Variants in SCMH1 observed in about 807,000 individuals in gnomAD.
The protein encoded by SCMH1 is polycomb protein SCMH1.
In SCMH1, 37 loss-of-function variants were observed where a neutral mutation model predicts 70.8. That is an observed-to-expected ratio of 0.52 (90% CI 0.40 to 0.69). The LOEUF is 0.69. Among genes scored for constraint, SCMH1 ranks in the 30% least tolerant of loss-of-function variants. The pLI, the probability that SCMH1 is intolerant of heterozygous loss-of-function variation, is 0.00. For missense variants in SCMH1, 607 were observed against 827.3 expected, an observed-to-expected ratio of 0.73 and a Z score of 3.27; for synonymous variants, 292 against 307.4, an observed-to-expected ratio of 0.95 and a Z score of 0.52.
chr1:41,167,406 T>G (rs921139978), intron 2 of SCMH1, among the ~76,000 whole-genome samples: 1 of 152,140 alleles, frequency 6.6e-6, no homozygotes, highest in Non-Finnish European at 1.5e-5. Context: ...AAGAATTCCC[T>G]CCTCTTCAAC....
chr1:41,214,957 T>A (rs968631356), intron 1 of SCMH1, among the ~76,000 whole-genome samples: 1 of 152,210 alleles, frequency 6.6e-6, no homozygotes. Context: ...CGTAGTTATG[T>A]TACCTAAAAC....
intron 6 of SCMH1, among the ~76,000 whole-genome samples, chr1:41,125,398 G>A (rs112075676): frequency 0.012 from 1,860 of 151,488 alleles, 46 homozygotes; most frequent in African/African-American, 0.043. Context: ...GTATTTTTTT[G>A]TAGGGACAGA....
At chr1:41,075,581 C>T (rs909023535) in intron 8 of SCMH1, 130 bp from the exon 9 acceptor site, 1 of 686,522 alleles carries the variant, frequency 1.5e-6, no homozygotes, top group Non-Finnish European at 2.4e-6. Flanking sequence ...TGGCATTTGA[C>T]CTAAATGTTA....
intron 10 of SCMH1, among the ~76,000 whole-genome samples, chr1:41,061,782 T>C (rs1224335303): frequency 6.6e-6 from 1 of 152,236 alleles, no homozygotes; most frequent in Non-Finnish European, 1.5e-5. Context: ...ACATACTCTT[T>C]TGAAGCTCAT....
chr1:41,086,645 T>G (rs1172477366), intron 8 of SCMH1, among the ~76,000 whole-genome samples: 4 of 151,856 alleles, frequency 2.6e-5, no homozygotes, highest in African/African-American at 9.7e-5. Context: ...TAGCTCACAC[T>G]GGTAGTCCCA....
chr1:41,223,266 C>G (rs11209718), intron 1 of SCMH1, among the ~76,000 whole-genome samples: 3 of 152,000 alleles, frequency 2.0e-5, no homozygotes, highest in Non-Finnish European at 4.4e-5. Context: ...TGAAAACTCA[C>G]AGTAATGCAA....
At chr1:41,055,306 T>C (rs747902926) in intron 10 of SCMH1, among the ~76,000 whole-genome samples, 5 of 152,116 alleles carry the variant, frequency 3.3e-5, no homozygotes, top group Middle Eastern at 3.2e-3. Context: ...AAAGTAATAC[T>C]GGACCTAATT....
intron 4 of SCMH1, among the ~76,000 whole-genome samples, chr1:41,153,160 T>C (rs942069675): frequency 2.6e-5 from 4 of 152,222 alleles, no homozygotes; most frequent in African/African-American, 9.6e-5. Flanking sequence ...ATAGTAAGTT[T>C]TGGATTTCCC....
At chr1:41,071,979 T>C (rs1031337673) in intron 9 of SCMH1, among the ~76,000 whole-genome samples, 1 of 152,190 alleles carries the variant, frequency 6.6e-6, no homozygotes, top group Non-Finnish European at 1.5e-5. Flanking sequence ...CCTTTCTGAA[T>C]GCAAGGAGAA....
At chr1:41,057,194 T>C (rs557438269) in intron 10 of SCMH1, among the ~76,000 whole-genome samples, 106 of 152,186 alleles carry the variant, frequency 7.0e-4, no homozygotes, top group Non-Finnish European at 1.4e-3. Context: ...GTCATAGGAC[T>C]GTAGAATGCT....
In SCMH1 at chr1:41,116,296, C is replaced by A. The variant is rs1670455210; in HGVS notation, c.501+626G>T. ...CAGCATAGGCAAACCTAATTTAATA[C>A]CCTTTACAGTAACTTTTACCCCATT... is the stretch of plus-strand genomic sequence containing the variant. On this transcript the variant is annotated intron_variant, in intron 7 of 14. Coordinates refer to ENST00000337495, the Ensembl canonical transcript of SCMH1. 2.0e-5 allele frequency among the ~76,000 whole-genome samples: 3 copies of A among 152,190 alleles called. No individual in the cohort carries two copies. The South Asian group carries it at 6.2e-4, about 32-fold the overall frequency.
At position 41,113,479 on chromosome 1, in the gene SCMH1, T is replaced by C. The variant is rs145760355; in HGVS notation, c.549A>G (p.Leu183=). Residue 183 remains leucine, a synonymous_variant, in exon 8 of 15, where the codon CTA becomes CTG. Transcript: ENST00000337495. The surrounding 1 kb of genome is among the most constrained non-coding windows in gnomAD (Gnocchi z 4.3). ...GAGGGTTCTTCCTGTCCACAGCTTC[T>C]AGCTTCATTCCCATTTTGAAGAAGT... 1.1e-4 allele frequency: 183 copies of C among 1,613,920 alleles called. No individual in the cohort carries two copies. Among genetic ancestry groups the C allele is most frequent in the Admixed American group, 1.1e-3 (63 of 59,982 alleles).
intron 1 of SCMH1, among the ~76,000 whole-genome samples, chr1:41,225,738 T>C (rs1374585511): frequency 3.3e-5 from 5 of 152,174 alleles, no homozygotes; most frequent in African/African-American, 9.7e-5. Flanking sequence ...TGATGGCCTA[T>C]AGAAAATGAC....
intron 1 of SCMH1, among the ~76,000 whole-genome samples, chr1:41,236,758 T>C (rs1662472570): frequency 6.6e-6 from 1 of 152,176 alleles, no homozygotes; most frequent in African/African-American, 2.4e-5. Flanking sequence ...ACAATACAAG[T>C]GCTATGTAAA....
At chr1:41,151,724 T>TA (rs750879255) in intron 4 of SCMH1, 40 bp from the exon 5 acceptor site, 105 of 1,467,750 alleles carry the variant, frequency 7.2e-5, no homozygotes, top group Admixed American at 9.1e-5. Flanking sequence ...GTCAACTTCC[T>TA]AAAAAAAATG....
chr1:41,170,000 AAGTT>A (rs1646680396), intron 2 of SCMH1, among the ~76,000 whole-genome samples: 1 of 152,172 alleles, frequency 6.6e-6, no homozygotes, highest in Non-Finnish European at 1.5e-5. Context: ...CCCCCAATGT[AAGTT>A]AGTTAGAAGC....
At chr1:41,151,074 A>T (rs966469910) in intron 5 of SCMH1, among the ~76,000 whole-genome samples, 4 of 152,174 alleles carry the variant, frequency 2.6e-5, no homozygotes, top group Non-Finnish European at 5.9e-5. Context: ...GTTTAGCACC[A>T]AACACTTCTT....
At chr1:41,100,835 AT>A (rs1666424797) in intron 8 of SCMH1, among the ~76,000 whole-genome samples, 1 of 152,176 alleles carries the variant, frequency 6.6e-6, no homozygotes, top group East Asian at 1.9e-4. Context: ...AAGTGCTGGG[AT>A]TACAAGCGTG....
chr1:41,037,872 CACA>C (rs1558335975), intron 12 of SCMH1, among the ~76,000 whole-genome samples: 1 of 152,200 alleles, frequency 6.6e-6, no homozygotes, highest in African/African-American at 2.4e-5. Flanking sequence ...CTGCCTTAGA[CACA>C]ACATGCTAGA....
Sources: allele counts gnomAD v4.1 joint callset (sites outside exome capture counted in the v4.1 genomes callset), GRCh38; gene constraint gnomAD v4.1.1; non-coding constraint Gnocchi (gnomAD v3.1); transcripts MANE v1.5; gene names NCBI Gene and HGNC (gene_info 2026-07-23, HGNC 2026-07-21).